The following CASQ2 variants were observed in gnomAD, a reference collection of about 807,000 sequenced individuals.
The protein encoded by CASQ2 is calsequestrin 2, also known as calsequestrin-2.
A neutral mutation model predicts 46.5 loss-of-function variants in CASQ2; 49 were observed. The ratio of observed to expected loss-of-function variants is 1.05; its 90% CI spans 0.84 to 1.34. The LOEUF is 1.34. Among genes scored for constraint, CASQ2 ranks in the 40% most tolerant of loss-of-function variants. The pLI is 0.00. For missense variants in CASQ2, 486 were observed against 481.3 expected, an observed-to-expected ratio of 1.01 and a Z score of -0.09; for synonymous variants, 174 against 168.5, an observed-to-expected ratio of 1.03 and a Z score of -0.25.
intron 8 of CASQ2, 122 bp downstream of exon 8, chr1:115,717,718 G>A: frequency 2.5e-6 from 2 of 801,224 alleles, no homozygotes; most frequent in Non-Finnish European, 2.2e-6. Flanking sequence ...CCACCAGGGG[G>A]TGCCCAATAT....
At chr1:115,716,063 A>G (rs1483177260) in intron 8 of CASQ2, among the ~76,000 whole-genome samples, 2 of 152,334 alleles carry the variant, frequency 1.3e-5, no homozygotes, top group East Asian at 3.9e-4. Flanking sequence ...TGAGTATACA[A>G]GAGACTGAGG....
chr1:115,716,843 A>C (rs1222347662), intron 8 of CASQ2, among the ~76,000 whole-genome samples: 3 of 152,164 alleles, frequency 2.0e-5, no homozygotes, highest in Admixed American at 2.0e-4. Flanking sequence ...TCTGTTCTAT[A>C]GACAAAATTT....
chr1:115,768,588 T>C lies in CASQ2; in HGVS notation c.-47A>G, dbSNP rs76307764. On this transcript the variant is annotated 5_prime_UTR_variant, in exon 1 of 11. Coordinates refer to ENST00000261448, the MANE Select transcript of CASQ2 (RefSeq NM_001232.4). ...GTTCCCAAATATGCTGTGTGCAGAA[T>C]AGAGGACAGAAGACTGTTAGAGGCC... 331 of 1,221,246 alleles carry C rather than the reference T, an allele frequency of 2.7e-4. 2 individuals are homozygous for C. The African/African-American group carries it at 4.6e-3, about 17-fold the overall frequency. 75.7% of individuals were successfully genotyped at this position (1,221,246 alleles called of 1,614,324 possible). A position where few individuals can be genotyped will look rare whatever the true frequency, so the allele number is the denominator to read the frequency against.
intron 1 of CASQ2, among the ~76,000 whole-genome samples, chr1:115,764,928 A>G (rs1461874652): frequency 6.6e-6 from 1 of 152,184 alleles, no homozygotes; most frequent in Non-Finnish European, 1.5e-5. Context: ...CTCCCAGAGG[A>G]CCTTGACTAA....
intron 3 of CASQ2, among the ~76,000 whole-genome samples, chr1:115,740,363 C>T (rs1279158251): frequency 6.6e-6 from 1 of 152,142 alleles, no homozygotes; most frequent in African/African-American, 2.4e-5. Context: ...CTGATTGGTA[C>T]TCCCATCCCT....
At chr1:115,733,853 T>G (rs1647870604) in intron 4 of CASQ2, among the ~76,000 whole-genome samples, 1 of 152,248 alleles carries the variant, frequency 6.6e-6, no homozygotes, top group Non-Finnish European at 1.5e-5. Context: ...TAAGCCTTTG[T>G]TAGAATTCTG....
chr1:115,744,709 T>C, intron 2 of CASQ2, 119 bp downstream of exon 2: 1 of 726,596 alleles, frequency 1.4e-6, no homozygotes, highest in Non-Finnish European at 2.5e-6. Flanking sequence ...GTATGCAGGA[T>C]CATTTTATAT....
intron 8 of CASQ2, among the ~76,000 whole-genome samples, chr1:115,709,800 C>T (rs572256669): frequency 2.6e-5 from 4 of 152,082 alleles, no homozygotes; most frequent in South Asian, 2.1e-4. Context: ...TTTCACATGA[C>T]GTTTACTCCC....
intron 4 of CASQ2, among the ~76,000 whole-genome samples, chr1:115,734,629 T>C (rs1647895889): frequency 6.6e-6 from 1 of 152,200 alleles, no homozygotes; most frequent in African/African-American, 2.4e-5. Context: ...CCTGGTCCCT[T>C]CCAGTCAGAC....
intron 1 of CASQ2, among the ~76,000 whole-genome samples, chr1:115,759,808 T>C (rs541194927): frequency 3.1e-4 from 47 of 152,332 alleles, no homozygotes; most frequent in Non-Finnish European, 6.0e-4. Flanking sequence ...TCAGGGTTCT[T>C]AGATTTGCCA....
chr1:115,759,868 G>A (rs1240995411), intron 1 of CASQ2, among the ~76,000 whole-genome samples: 2 of 152,206 alleles, frequency 1.3e-5, no homozygotes, highest in Admixed American at 6.5e-5. Context: ...ATAGACGCAT[G>A]TCTTCTCTTT....
rs749906718 is a variant in CASQ2, at chr1:115,732,918, C to A, written c.589G>T (p.Ala197Ser). ...GTACTTACCCCTTTGTCAAAGGTGG[C>A]AAAGAATTTGATGTAAGGCTGGAAG... ...EHFQPYIKFF[A>S]TFDKGVAKKL... The change falls in exon 5 of 11, where the codon GCC (alanine) becomes TCC (serine). Residue 197 changes from alanine (A) to serine (S), a missense_variant. Coordinates refer to ENST00000261448, the MANE Select transcript of CASQ2 (RefSeq NM_001232.4). 7 of 1,613,692 alleles carry A rather than the reference C, an allele frequency of 4.3e-6. No individual in the cohort carries two copies. The highest frequency in any genetic ancestry group is 5.9e-6 in the Non-Finnish European group (7 of 1,179,730).
At chr1:115,745,989 C>A (rs12141261) in intron 1 of CASQ2, among the ~76,000 whole-genome samples, 1 of 152,186 alleles carries the variant, frequency 6.6e-6, no homozygotes, top group Admixed American at 6.5e-5. Flanking sequence ...GTGTCCCTAT[C>A]CCCTCTTTTA....
chr1:115,763,946 C>T (rs1247936367), intron 1 of CASQ2, among the ~76,000 whole-genome samples: 4 of 151,910 alleles, frequency 2.6e-5, no homozygotes, highest in African/African-American at 4.8e-5. Context: ...TCTCTGAGTC[C>T]TGTAATGCTA....
intron 1 of CASQ2, among the ~76,000 whole-genome samples, chr1:115,755,651 A>G (rs551995531): frequency 1.3e-5 from 2 of 152,198 alleles, no homozygotes; most frequent in Non-Finnish European, 2.9e-5. Flanking sequence ...AATGCCATGG[A>G]TAACTAACTT....
intron 2 of CASQ2, among the ~76,000 whole-genome samples, chr1:115,743,067 G>A (rs12083270): frequency 0.017 from 2,583 of 151,934 alleles, 88 homozygotes; most frequent in African/African-American, 0.059. Context: ...GGATTACACT[G>A]TGCCCAGCCA....
chr1:115,760,085 C>G (rs915316623), intron 1 of CASQ2, among the ~76,000 whole-genome samples: 2 of 152,182 alleles, frequency 1.3e-5, no homozygotes, highest in African/African-American at 4.8e-5. Flanking sequence ...GGAGGCCTGG[C>G]TGAGTCCCAA....
intron 1 of CASQ2, among the ~76,000 whole-genome samples, chr1:115,753,059 G>A (rs1270972788): frequency 6.6e-6 from 1 of 152,238 alleles, no homozygotes; most frequent in Admixed American, 6.5e-5. Context: ...AAACAAAGTG[G>A]AGGACACACA....
intron 1 of CASQ2, among the ~76,000 whole-genome samples, chr1:115,762,685 C>T (rs532177823): frequency 6.6e-5 from 10 of 152,290 alleles, no homozygotes; most frequent in African/African-American, 1.9e-4. Flanking sequence ...AAAATTGTTT[C>T]TATGTAAGTG....
Sources: gnomAD v4.1 joint callset for allele counts (sites outside exome capture counted in the v4.1 genomes callset) on GRCh38, gnomAD v4.1.1 for gene constraint, MANE v1.5 for transcripts, NCBI Gene and HGNC (gene_info 2026-07-23, HGNC 2026-07-21) for gene names.